The following XPO4 variants were observed in gnomAD, a reference collection of about 807,000 sequenced individuals.
XPO4 encodes the protein exportin 4.
In XPO4, 39 loss-of-function variants were observed where a neutral mutation model predicts 143.0. The observed-to-expected ratio is 0.27, with a 90% confidence interval of 0.21 to 0.36. The LOEUF is 0.36. Among genes scored for constraint, XPO4 ranks in the 10% least tolerant of loss-of-function variants. The pLI is 1.00. For missense variants in XPO4, 907 were observed against 1,348.0 expected, an observed-to-expected ratio of 0.67 and a Z score of 5.12; for synonymous variants, 439 against 474.0, an observed-to-expected ratio of 0.93 and a Z score of 0.96.
chr13:20,786,535 A>C (rs2141476179), intron 22 of XPO4, among the ~76,000 whole-genome samples: 1 of 152,210 alleles, frequency 6.6e-6, no homozygotes, highest in Non-Finnish European at 1.5e-5. Context: ...ACAAAATGAA[A>C]TAATATACTG....
intron 1 of XPO4, among the ~76,000 whole-genome samples, chr13:20,890,987 C>T (rs750253254): frequency 6.6e-6 from 1 of 151,502 alleles, no homozygotes. Context: ...TATGGTGGTG[C>T]ACGCCTGTAA....
intron 8 of XPO4, 42 bp downstream of exon 8, chr13:20,822,090 C>T (rs373344565): frequency 1.6e-5 from 25 of 1,558,660 alleles, no homozygotes; most frequent in East Asian, 4.5e-5. Flanking sequence ...AAACACAAAA[C>T]GTAGAGCTCC....
intron 6 of XPO4, among the ~76,000 whole-genome samples, chr13:20,836,784 T>C (rs2059922167): frequency 1.3e-5 from 2 of 152,236 alleles, no homozygotes; most frequent in Non-Finnish European, 2.9e-5. Context: ...AACATTTCCA[T>C]GGTACCAGAA....
intron 2 of XPO4, among the ~76,000 whole-genome samples, chr13:20,865,846 C>A (rs758089003): frequency 6.6e-5 from 10 of 152,162 alleles, no homozygotes; most frequent in Non-Finnish European, 1.3e-4. Context: ...GACAAAAAGT[C>A]TCAGATGGAA....
intron 1 of XPO4, among the ~76,000 whole-genome samples, chr13:20,898,086 C>T (rs1442691341): frequency 6.6e-6 from 1 of 152,148 alleles, no homozygotes; most frequent in Non-Finnish European, 1.5e-5. Context: ...AGGAATATCT[C>T]ATCCTATTTA....
At chr13:20,874,181 C>A in intron 1 of XPO4, among the ~76,000 whole-genome samples, 1 of 152,098 alleles carries the variant, frequency 6.6e-6, no homozygotes, top group East Asian at 1.9e-4. Flanking sequence ...GAATAATATT[C>A]TTGGCTTACT....
At chr13:20,844,972 ACCAGC>A (rs1226114543) in intron 4 of XPO4, among the ~76,000 whole-genome samples, 1 of 152,232 alleles carries the variant, frequency 6.6e-6, no homozygotes, top group Non-Finnish European at 1.5e-5. Flanking sequence ...GGAGTTCGAG[ACCAGC>A]CTGGCCAACA....
At chr13:20,859,328 C>T (rs1368338267) in intron 3 of XPO4, among the ~76,000 whole-genome samples, 7 of 152,036 alleles carry the variant, frequency 4.6e-5, no homozygotes, top group Admixed American at 2.0e-4. Flanking sequence ...AGGCCAGGCA[C>T]GGTGGCTCAT....
chr13:20,859,456 C>A (rs1239493868), intron 3 of XPO4, among the ~76,000 whole-genome samples: 1 of 152,036 alleles, frequency 6.6e-6, no homozygotes, highest in Non-Finnish European at 1.5e-5. Flanking sequence ...AAAAATTAGC[C>A]AGGCGTGGTG....
chr13:20,796,865 T>C lies in XPO4; in HGVS notation c.2515A>G (p.Ile839Val). ...NFLMDFLTNC[I>V]GLMEVYKNTP... ...TTCTTGTAAACTTCCATCAATCCAA[T>C]GCAATTGGTAAGGAAGTCCATTAAA... Residue 839 changes from isoleucine (I) to valine (V), a missense_variant, in exon 17 of 23, where the codon ATT becomes GTT. Transcript: ENST00000255305. The C allele has an allele frequency of 6.2e-7, 1 of 1,614,144 alleles. No homozygotes were observed. The highest frequency in any genetic ancestry group is 1.1e-5 in the South Asian group (1 of 91,086).
chr13:20,886,865 G>A (rs983679588), intron 1 of XPO4, among the ~76,000 whole-genome samples: 1 of 152,000 alleles, frequency 6.6e-6, no homozygotes, highest in African/African-American at 2.4e-5. Flanking sequence ...CCTGAGGTCA[G>A]GAGTTCGAGA....
At chr13:20,898,937 A>T (rs2060594165) in intron 1 of XPO4, among the ~76,000 whole-genome samples, 1 of 152,158 alleles carries the variant, frequency 6.6e-6, no homozygotes, top group East Asian at 1.9e-4. Flanking sequence ...GCACTTTAGG[A>T]GGCCAAGGCA....
At chr13:20,862,554 C>T (rs1293069509) in intron 3 of XPO4, among the ~76,000 whole-genome samples, 163 bp downstream of exon 3, 8 of 151,956 alleles carry the variant, frequency 5.3e-5, no homozygotes, top group African/African-American at 1.9e-4. Context: ...TCTCAAACTC[C>T]TGGGCTCAAG....
chr13:20,852,136 C>CTGGAATGATCACCAAACTAA (rs2060095923), intron 4 of XPO4: 1 of 985,294 alleles, frequency 1.0e-6, no homozygotes, highest in African/African-American at 1.7e-5. Flanking sequence ...AAAATCCTGG[C>CTGGAATGATCACCAAACTAA]TGGAATGATC....
chr13:20,812,293 C>T (rs374043564), intron 9 of XPO4, among the ~76,000 whole-genome samples: 23 of 152,110 alleles, frequency 1.5e-4, no homozygotes, highest in African/African-American at 4.3e-4. Flanking sequence ...ATCACTTGAA[C>T]CTGGGAGGCA....
At chr13:20,883,322 T>C (rs544991025) in intron 1 of XPO4, among the ~76,000 whole-genome samples, 33 of 152,148 alleles carry the variant, frequency 2.2e-4, no homozygotes, top group South Asian at 6.2e-4. Context: ...CATTCCAAAA[T>C]TGATGAGAAA....
At chr13:20,813,157 C>T (rs1412933647) in intron 9 of XPO4, among the ~76,000 whole-genome samples, 2 of 152,000 alleles carry the variant, frequency 1.3e-5, no homozygotes, top group South Asian at 2.1e-4. Flanking sequence ...GAACAGCATG[C>T]GGGAAACCAC....
chr13:20,849,996 C>T lies in XPO4; in HGVS notation c.456+5631G>A, dbSNP rs893439724. Reference sequence around the variant, plus strand: ...TGGCATGCGCCTGTAGTCCCAGCTACTCGGGTGGCTGAGGCATGAGAATCG... The same window carrying T: ...TGGCATGCGCCTGTAGTCCCAGCTATTCGGGTGGCTGAGGCATGAGAATCG... On this transcript the variant is annotated intron_variant, in intron 4 of 22. Transcript: ENST00000255305. The T allele has an allele frequency of 1.3e-5, 8 of 600,724 alleles. No individual in the cohort carries two copies. The African/African-American group carries it at 1.4e-4, about 11-fold the overall frequency. The allele number at this position is 600,724 out of a possible 1,614,324, so 37.2% of individuals were successfully genotyped here.
chr13:20,801,034 G>A (rs749172197), intron 13 of XPO4, 44 bp from the exon 14 acceptor site: 2 of 1,589,480 alleles, frequency 1.3e-6, no homozygotes, highest in Non-Finnish European at 1.7e-6. Flanking sequence ...TATTTATTTA[G>A]TTGCTGTCTA....
Sources: allele counts gnomAD v4.1 joint callset (sites outside exome capture counted in the v4.1 genomes callset), GRCh38; gene constraint gnomAD v4.1.1; transcripts MANE v1.5; gene names NCBI Gene and HGNC (gene_info 2026-07-23, HGNC 2026-07-21).